CMSS1: variants seen among roughly 807,000 people sequenced by gnomAD.
CMSS1 encodes cms1 ribosomal small subunit homolog.
CMSS1 carries 33 observed loss-of-function variants against 43.5 expected under a neutral mutation model. That is an observed-to-expected ratio of 0.76 (90% CI 0.57 to 1.01). The LOEUF (loss-of-function observed/expected upper bound fraction) is 1.01. Among genes scored for constraint, CMSS1 ranks in the 50% least tolerant of loss-of-function variants. CMSS1 has a pLI of 0.00. For missense variants in CMSS1, 313 were observed against 326.4 expected (o/e 0.96, Z 0.32); for synonymous variants, 115 against 117.2 (o/e 0.98, Z 0.12).
chr3:100,176,528 G>C, intron 9 of CMSS1, 113 bp downstream of exon 9: 2 of 669,068 alleles, frequency 3.0e-6, no homozygotes, highest in Non-Finnish European at 5.2e-6. Context: ...ATTTTGAAAT[G>C]ATTTCTATCT....
chr3:100,056,984 A>C (rs560078265), intron 1 of CMSS1, among the ~76,000 whole-genome samples: 1 of 152,286 alleles, frequency 6.6e-6, no homozygotes, highest in South Asian at 2.1e-4. Context: ...AGCCTGGGCA[A>C]CAGAGCGAGA....
chr3:99,850,754 T>G (rs563603339), intron 1 of CMSS1: 1 of 1,614,220 alleles, frequency 6.2e-7, no homozygotes, highest in South Asian at 1.1e-5. Context: ...GCCATAATTG[T>G]GTCTTGGTCT....
At chr3:99,937,615 G>T (rs1397984161) in intron 1 of CMSS1, among the ~76,000 whole-genome samples, 2 of 152,262 alleles carry the variant, frequency 1.3e-5, no homozygotes, top group East Asian at 3.9e-4. Context: ...ATTCATATTT[G>T]GTTAGCACAG....
At chr3:99,863,861 C>T (rs969075683) in intron 1 of CMSS1, among the ~76,000 whole-genome samples, 2 of 152,162 alleles carry the variant, frequency 1.3e-5, no homozygotes, top group Non-Finnish European at 2.9e-5. Flanking sequence ...TTCTTATGCT[C>T]TCCCCTTTTT....
chr3:100,108,357 T>C (rs961648533), intron 1 of CMSS1, among the ~76,000 whole-genome samples: 3 of 152,186 alleles, frequency 2.0e-5, no homozygotes, highest in Non-Finnish European at 4.4e-5. Context: ...CCTCTCATTA[T>C]TGAGCACTTA....
intron 1 of CMSS1, among the ~76,000 whole-genome samples, chr3:99,995,415 G>T (rs112474817): frequency 0.053 from 8,139 of 152,206 alleles, 317 homozygotes; most frequent in Middle Eastern, 0.085. Context: ...CTCCCTCCCA[G>T]CTGCTTTCAT....
chr3:100,110,472 A>G (rs1047408641), intron 1 of CMSS1, among the ~76,000 whole-genome samples: 6 of 152,164 alleles, frequency 3.9e-5, no homozygotes, highest in African/African-American at 1.4e-4. Flanking sequence ...CATCATGAAG[A>G]TACCTGTCAT....
intron 1 of CMSS1, among the ~76,000 whole-genome samples, chr3:100,124,512 C>G (rs1009280701): frequency 2.0e-5 from 3 of 152,198 alleles, no homozygotes; most frequent in African/African-American, 7.2e-5. Context: ...CATTGGCCCC[C>G]AGGTCACAGC....
In CMSS1 at chr3:100,147,010, G is replaced by A. The variant is rs2066857543; in HGVS notation, c.102G>A (p.Val34=). 3 of 1,613,932 alleles carry A rather than the reference G, an allele frequency of 1.9e-6. No homozygotes were observed. The highest frequency in any genetic ancestry group is 2.5e-6 in the Non-Finnish European group (3 of 1,179,852). Residue 34 remains valine (V), a synonymous_variant, in exon 2 of 10, where the codon GTG becomes GTA. Coordinates refer to ENST00000421999, the MANE Select transcript of CMSS1 (RefSeq NM_032359.4). ...SDGEGEGDTE[V]MQQETVPVPV... is the part of the protein sequence containing the mutation. ...GTGAAGGAGAAGGAGACACAGAAGT[G>A]ATGCAGCAGGAGACAGTTCCAGTTC... is the stretch of plus-strand genomic sequence containing the variant.
rs1255247511 is a variant in CMSS1 at position 100,170,541 on chromosome 3, T to G, written c.519-1298T>G. On this transcript the variant is annotated intron_variant, in intron 6 of 9. Coordinates refer to ENST00000421999, the MANE Select transcript of CMSS1 (RefSeq NM_032359.4). ...TTATCAGTTGCCAGATTGATGACAT[T>G]CTGTGGGTTTAAGAAGAAAAAAAAA... Among the ~76,000 whole-genome samples the G allele has an allele frequency of 2.0e-5, 3 of 152,300 alleles. No individual in the cohort carries two copies. The East Asian group carries it at 5.8e-4, about 29-fold the overall frequency.
intron 1 of CMSS1, among the ~76,000 whole-genome samples, chr3:100,126,308 T>G (rs779381526): frequency 6.6e-6 from 1 of 152,234 alleles, no homozygotes; most frequent in Non-Finnish European, 1.5e-5. Flanking sequence ...TTTGAATGCC[T>G]AGTTTTGTTT....
chr3:100,114,760 T>G (rs775390814), intron 1 of CMSS1, among the ~76,000 whole-genome samples: 9 of 152,168 alleles, frequency 5.9e-5, no homozygotes, highest in Non-Finnish European at 8.8e-5. Flanking sequence ...AGATGGACAT[T>G]AAATTGCACC....
chr3:99,848,151 G>C, intron 1 of CMSS1: 1 of 1,522,152 alleles, frequency 6.6e-7, no homozygotes, highest in Non-Finnish European at 8.8e-7. Context: ...CTCTTGTATA[G>C]TTCATGCACA....
At chr3:99,925,858 G>A in intron 1 of CMSS1, 1 of 985,442 alleles carries the variant, frequency 1.0e-6, no homozygotes, top group Non-Finnish European at 1.2e-6. Context: ...AGCTCACTGG[G>A]CTGGTTTATC....
intron 1 of CMSS1, among the ~76,000 whole-genome samples, chr3:99,987,665 T>C (rs1446149812): frequency 1.3e-5 from 2 of 152,224 alleles, no homozygotes; most frequent in African/African-American, 4.8e-5. Flanking sequence ...ACAATTCTGT[T>C]ATTAACATGA....
At position 99,984,062 on chromosome 3, in the gene CMSS1, G is replaced by GTGTGTGTGTGTGTGTGTGTT. The variant is rs1424250163; in HGVS notation, c.65-162896_65-162895insGTGTTTGTGTGTGTGTGTGT. On this transcript the variant is annotated intron_variant, in intron 1 of 9. Coordinates refer to ENST00000421999, the MANE Select transcript of CMSS1 (RefSeq NM_032359.4). Reference sequence around the variant, plus strand: ...AAAGGATGTATATGTATGTGTGTTTGTGTGTGTGTGTGTGTTCAGCTACAA... The same window carrying GTGTGTGTGTGTGTGTGTGTT: ...AAAGGATGTATATGTATGTGTGTTTGTGTGTGTGTGTGTGTGTGTTTGTGTGTGTGTGTGTTCAGCTACAA... 5.2e-3 allele frequency among the ~76,000 whole-genome samples: 786 copies of GTGTGTGTGTGTGTGTGTGTT among 151,644 alleles called. 12 individuals carry two copies. The highest frequency in any genetic ancestry group is 0.017 in the African/African-American group (709 of 41,432).
At position 100,117,862 on chromosome 3, in the gene CMSS1, T is replaced by C. The variant is rs1442824119; in HGVS notation, c.65-29111T>C. ...ATATATATATATATATACATATATATATATATATATATATATACACATACA... is the reference window on the plus strand; with the variant it reads ...ATATATATATATATATACATATATACATATATATATATATATACACATACA... On this transcript the variant is annotated intron_variant, in intron 1 of 9. Coordinates refer to ENST00000421999, the MANE Select transcript of CMSS1 (RefSeq NM_032359.4). 4.9e-4 allele frequency among the ~76,000 whole-genome samples: 65 copies of C among 133,338 alleles called. 1 individual carries two copies. Among genetic ancestry groups the C allele is most frequent in the South Asian group, 4.8e-4 (2 of 4,200 alleles). 87.5% of individuals were successfully genotyped at this position (133,338 alleles called of 152,430 possible). A position where few individuals can be genotyped will look rare whatever the true frequency, so the allele number is the denominator to read the frequency against.
At chr3:100,021,054 C>A (rs2064806910) in intron 1 of CMSS1, among the ~76,000 whole-genome samples, 1 of 152,138 alleles carries the variant, frequency 6.6e-6, no homozygotes, top group African/African-American at 2.4e-5. Flanking sequence ...CGTGAGCCAC[C>A]ACGCCTAGCC....
At chr3:99,969,026 T>C (rs1224281655) in intron 1 of CMSS1, among the ~76,000 whole-genome samples, 1 of 151,656 alleles carries the variant, frequency 6.6e-6, no homozygotes, top group Non-Finnish European at 1.5e-5. Context: ...GAGGAAAGAG[T>C]AAATAGGCAC....
Sources: allele counts gnomAD v4.1 joint callset (sites outside exome capture counted in the v4.1 genomes callset), GRCh38; gene constraint gnomAD v4.1.1; transcripts MANE v1.5; gene names NCBI Gene and HGNC (gene_info 2026-07-23, HGNC 2026-07-21).